GRB14: variants seen among roughly 807,000 people sequenced by gnomAD.
GRB14 encodes the protein growth factor receptor-bound protein 14.
GRB14 carries 38 observed loss-of-function variants against 69.1 expected under a neutral mutation model. That is an observed-to-expected ratio of 0.55 (90% confidence interval 0.42 to 0.72). The LOEUF is 0.72. Ranked by LOEUF, GRB14 falls within the 30% of genes least tolerant of loss-of-function variation. The pLI is 0.00. For synonymous variants in GRB14, 247 were observed against 241.3 expected (o/e 1.02, Z -0.22); for missense variants, 666 against 666.1 (o/e 1.00, Z 0.00).
At position 164,522,033 on chromosome 2, in the gene GRB14, AAATT is replaced by A; in HGVS notation, c.759_762del (p.Lys253AsnfsTer5). 2 of 1,601,970 alleles carry A rather than the reference AAATT, an allele frequency of 1.2e-6. No homozygotes were observed. Among genetic ancestry groups the A allele is most frequent in the Non-Finnish European group, 1.7e-6 (2 of 1,170,478 alleles). On this transcript the variant is annotated frameshift_variant, in exon 6 of 14. Transcript: ENST00000263915. LOFTEE classifies it high-confidence loss of function. ...AAACCAGATCTTCTTAGAAAAAAGTAAATTTTTTTCCAAGACTTCTTTCCCTGTT... is the reference window on the plus strand; with the variant it reads ...AAACCAGATCTTCTTAGAAAAAAGTATTTTTCCAAGACTTCTTTCCCTGTT...
intron 2 of GRB14, among the ~76,000 whole-genome samples, chr2:164,612,349 T>A (rs1034983550): frequency 1.3e-5 from 2 of 152,240 alleles, no homozygotes; most frequent in African/African-American, 4.8e-5. Context: ...CTCCTATTTG[T>A]GTTTATTTTT....
chr2:164,561,254 A>T (rs1430356892), intron 2 of GRB14, among the ~76,000 whole-genome samples: 1 of 152,192 alleles, frequency 6.6e-6, no homozygotes, highest in African/African-American at 2.4e-5. Context: ...CCCCAAACTT[A>T]TTATTAGCCA....
intron 2 of GRB14, among the ~76,000 whole-genome samples, chr2:164,551,996 G>A (rs926967818): frequency 6.6e-6 from 1 of 152,206 alleles, no homozygotes; most frequent in Non-Finnish European, 1.5e-5. Flanking sequence ...CAAAGCGGGA[G>A]CAGGGGTGTC....
intron 8 of GRB14, among the ~76,000 whole-genome samples, chr2:164,502,704 T>A (rs1687089988): frequency 6.6e-6 from 1 of 151,830 alleles, no homozygotes; most frequent in Admixed American, 6.6e-5. Flanking sequence ...GTACAAAGAT[T>A]CCAAAAACTT....
intron 2 of GRB14, among the ~76,000 whole-genome samples, chr2:164,579,043 C>A (rs369607237): frequency 6.6e-4 from 99 of 150,564 alleles, no homozygotes; most frequent in Non-Finnish European, 8.7e-4. Context: ...TAAAAAAAAA[C>A]AAATTATACA....
chr2:164,523,970 T>TGCC (rs1687702701), intron 5 of GRB14, among the ~76,000 whole-genome samples: 2 of 152,088 alleles, frequency 1.3e-5, no homozygotes, highest in Non-Finnish European at 2.9e-5. Flanking sequence ...CAGCTGCTGC[T>TGCC]GCCATTTACC....
rs747238749 is a variant in GRB14, at chr2:164,527,078, TC to T, written c.538del (p.Glu180LysfsTer50). 2 of 1,583,454 alleles carry T rather than the reference TC, an allele frequency of 1.3e-6. No homozygotes were observed. The highest frequency in any genetic ancestry group is 1.7e-6 in the Non-Finnish European group (2 of 1,155,092). On this transcript the variant is annotated frameshift_variant, in exon 4 of 14. Transcript: ENST00000263915. LOFTEE classifies it high-confidence loss of function. ...VIEVLSNWGI[E>X]EENKLYFRKN... ...TCTAAAGTATAGTTTGTTTTCTTCT[TC>T]TATCCCCCAGTTGGATAGCACTTCA...
chr2:164,590,142 C>G (rs1028689627), intron 2 of GRB14, among the ~76,000 whole-genome samples: 6 of 152,148 alleles, frequency 3.9e-5, no homozygotes, highest in African/African-American at 1.4e-4. Context: ...CATAACCCTC[C>G]ACAAGCAATT....
chr2:164,554,352 T>C (rs1157865460), intron 2 of GRB14, among the ~76,000 whole-genome samples: 3 of 152,200 alleles, frequency 2.0e-5, no homozygotes, highest in African/African-American at 7.2e-5. Flanking sequence ...GTGAGGAGTA[T>C]ATTATTCATA....
intron 2 of GRB14, among the ~76,000 whole-genome samples, chr2:164,591,815 G>A (rs545246906): frequency 1.3e-4 from 20 of 152,176 alleles, no homozygotes; most frequent in African/African-American, 4.8e-4. Flanking sequence ...GTTTTGCATT[G>A]TCCCCACCCA....
chr2:164,610,768 G>A (rs1368564251), intron 2 of GRB14, among the ~76,000 whole-genome samples: 1 of 150,982 alleles, frequency 6.6e-6, no homozygotes, highest in Non-Finnish European at 1.5e-5. Context: ...TTCACATAGA[G>A]GGAAAAAGAA....
intron 3 of GRB14, among the ~76,000 whole-genome samples, chr2:164,546,556 G>C (rs977636764): frequency 6.6e-6 from 1 of 152,160 alleles, no homozygotes; most frequent in African/African-American, 2.4e-5. Flanking sequence ...CAGATGGTAA[G>C]AGAATCAAAC....
chr2:164,591,233 C>T (rs941804593), intron 2 of GRB14, among the ~76,000 whole-genome samples: 2 of 152,180 alleles, frequency 1.3e-5, no homozygotes, highest in Non-Finnish European at 2.9e-5. Flanking sequence ...ATTAGACTAG[C>T]TTTTGTTTCT....
intron 6 of GRB14, among the ~76,000 whole-genome samples, chr2:164,521,065 T>C (rs755349134): frequency 1.3e-5 from 2 of 152,170 alleles, no homozygotes; most frequent in Non-Finnish European, 2.9e-5. Flanking sequence ...TGCAAGTTTA[T>C]AGCAGCGCAA....
chr2:164,563,491 C>T (rs892168914), intron 2 of GRB14, among the ~76,000 whole-genome samples: 3 of 152,118 alleles, frequency 2.0e-5, no homozygotes, highest in Non-Finnish European at 2.9e-5. Context: ...CACAATGGCA[C>T]GTTAACTGGT....
At chr2:164,585,284 T>A (rs950676748) in intron 2 of GRB14, among the ~76,000 whole-genome samples, 1 of 151,874 alleles carries the variant, frequency 6.6e-6, no homozygotes, top group South Asian at 2.1e-4. Flanking sequence ...TCAGCACACT[T>A]ACTACCATCA....
chr2:164,573,716 C>T, intron 2 of GRB14: 1 of 1,602,254 alleles, frequency 6.2e-7, no homozygotes, highest in East Asian at 2.2e-5. Flanking sequence ...ACCTGCTATT[C>T]TAATTAAGTT....
intron 9 of GRB14, among the ~76,000 whole-genome samples, chr2:164,501,802 A>G (rs1442068001): frequency 6.6e-6 from 1 of 152,046 alleles, no homozygotes; most frequent in Non-Finnish European, 1.5e-5. Flanking sequence ...TTAAAATTCA[A>G]ATCACTGGCA....
intron 2 of GRB14, among the ~76,000 whole-genome samples, chr2:164,594,655 T>A (rs1689741962): frequency 6.6e-6 from 1 of 152,206 alleles, no homozygotes; most frequent in African/African-American, 2.4e-5. Context: ...TCCAGGGTGT[T>A]AATGGAAGTC....
Sources: gnomAD v4.1 joint callset for allele counts (sites outside exome capture counted in the v4.1 genomes callset) on GRCh38, gnomAD v4.1.1 for gene constraint, MANE v1.5 for transcripts, NCBI Gene and HGNC (gene_info 2026-07-23, HGNC 2026-07-21) for gene names.